GPC6: variants seen among roughly 807,000 people sequenced by gnomAD.
GPC6 encodes the protein glypican-6.
A neutral mutation model predicts 55.2 loss-of-function variants in GPC6; 14 were observed. That is an observed-to-expected ratio of 0.25 (90% CI 0.17 to 0.40). The LOEUF is 0.40. Ranked by LOEUF, GPC6 falls within the 10% of genes least tolerant of loss-of-function variation. The pLI is 1.00. For synonymous variants in GPC6, 278 were observed against 259.6 expected (o/e 1.07, Z -0.68); for missense variants, 641 against 708.5 (o/e 0.90, Z 1.08).
At chr13:93,233,344 C>CAAAAA (rs199803814) in intron 1 of GPC6, among the ~76,000 whole-genome samples, 43 of 126,144 alleles carry the variant, frequency 3.4e-4, no homozygotes, top group African/African-American at 1.3e-3. Flanking sequence ...AGTTAGTAGC[C>CAAAAA]AAAAAAAAAA....
upstream of GPC6, chr13:93,226,687 G>C (rs1320103173): frequency 6.6e-6 from 1 of 152,096 alleles, no homozygotes; most frequent in Non-Finnish European, 1.5e-5. Context: ...AAATAGGTAC[G>C]TTTCTTTTTC....
rs745636804 is a variant in GPC6, at chr13:93,227,282, T to C, written c.-175T>C. ...CCATCGTCCATCTGGCTTATAAAAGTTTGCTGAGCGCAGTCCAGAGGGCTG... is the reference window on the plus strand; with the variant it reads ...CCATCGTCCATCTGGCTTATAAAAGCTTGCTGAGCGCAGTCCAGAGGGCTG... On this transcript the variant is annotated 5_prime_UTR_variant, in exon 1 of 9. Transcript: ENST00000377047. The surrounding 1 kb of genome is among the most constrained non-coding windows in gnomAD (Gnocchi z 4.3). 16 of 555,864 alleles carry C rather than the reference T, an allele frequency of 2.9e-5. No individual in the cohort carries two copies. The highest frequency in any genetic ancestry group is 5.1e-5 in the Non-Finnish European group (16 of 315,348). 34.4% of individuals were successfully genotyped at this position (555,864 alleles called of 1,614,324 possible).
chr13:93,661,549 T>C (rs1880920487), intron 2 of GPC6, among the ~76,000 whole-genome samples: 1 of 152,120 alleles, frequency 6.6e-6, no homozygotes, highest in Admixed American at 6.6e-5. Context: ...CTGAGGAATA[T>C]GGGACACACA....
chr13:93,494,008 T>G (rs9561372), intron 1 of GPC6, among the ~76,000 whole-genome samples: 4,208 of 99,786 alleles, frequency 0.042, 105 homozygotes, highest in East Asian at 0.15. Flanking sequence ...TGTTGATTTG[T>G]GGTGGAGAGT....
intron 2 of GPC6, among the ~76,000 whole-genome samples, chr13:93,813,399 G>C (rs143189459): frequency 1.3e-5 from 2 of 152,152 alleles, no homozygotes; most frequent in African/African-American, 4.8e-5. Flanking sequence ...GCCTGGGTGA[G>C]AGAACTTTGC....
intron 3 of GPC6, among the ~76,000 whole-genome samples, chr13:93,839,347 TTCACATTGC>T (rs990522086): frequency 6.6e-6 from 1 of 152,140 alleles, no homozygotes; most frequent in Non-Finnish European, 1.5e-5. Context: ...TTACATCAAT[TTCACATTGC>T]TCTGACACCA....
intron 3 of GPC6, among the ~76,000 whole-genome samples, chr13:93,976,640 G>A (rs549563145): frequency 6.6e-5 from 10 of 150,908 alleles, no homozygotes; most frequent in Admixed American, 2.6e-4. Flanking sequence ...TTTAAGAAGC[G>A]ATCTCTCAAA....
At chr13:93,739,493 G>A (rs752095138) in intron 2 of GPC6, among the ~76,000 whole-genome samples, 8 of 149,686 alleles carry the variant, frequency 5.3e-5, no homozygotes, top group African/African-American at 1.7e-4. Context: ...GCAGTGGTGC[G>A]ATTTCGGCTC....
At chr13:94,017,042 C>T (rs1415129457) in intron 3 of GPC6, among the ~76,000 whole-genome samples, 1 of 152,058 alleles carries the variant, frequency 6.6e-6, no homozygotes, top group Non-Finnish European at 1.5e-5. Flanking sequence ...ACCATGTTGG[C>T]CAGGCTGGTC....
intron 3 of GPC6, among the ~76,000 whole-genome samples, chr13:93,854,543 G>A (rs1235453006): frequency 2.0e-5 from 3 of 151,684 alleles, no homozygotes; most frequent in African/African-American, 4.8e-5. Flanking sequence ...GAAATCACAC[G>A]TGAAGATTTT....
At chr13:94,028,529 G>A (rs922079173) in intron 4 of GPC6, among the ~76,000 whole-genome samples, 11 of 151,370 alleles carry the variant, frequency 7.3e-5, no homozygotes, top group Non-Finnish European at 1.5e-4. Context: ...AAAGTCCACT[G>A]TACTATTTCT....
At chr13:93,463,459 G>A (rs996772331) in intron 1 of GPC6, among the ~76,000 whole-genome samples, 6 of 152,114 alleles carry the variant, frequency 3.9e-5, no homozygotes, top group African/African-American at 1.4e-4. Flanking sequence ...GTGAAGCACC[G>A]TTCTTAGTGT....
At chr13:93,941,163 A>C (rs911929804) in intron 3 of GPC6, among the ~76,000 whole-genome samples, 32 of 152,186 alleles carry the variant, frequency 2.1e-4, no homozygotes, top group Non-Finnish European at 4.3e-4. Flanking sequence ...CAGCCTATAG[A>C]AAACTTTTGT....
At position 93,335,041 on chromosome 13, in the gene GPC6, G is replaced by A. The variant is rs552443103; in HGVS notation, c.160+107425G>A. Reference sequence around the variant, plus strand: ...CAGATTTCTCCCTTTCCTCCACAGGGCAATGTTTCTTCCAACTGTTGATGC... The same window carrying A: ...CAGATTTCTCCCTTTCCTCCACAGGACAATGTTTCTTCCAACTGTTGATGC... On this transcript the variant is annotated intron_variant, in intron 1 of 8. Transcript: ENST00000377047. 1.1e-4 allele frequency among the ~76,000 whole-genome samples: 16 copies of A among 152,162 alleles called. No homozygotes were observed. The South Asian group carries it at 3.1e-3, about 30-fold the overall frequency.
intron 3 of GPC6, among the ~76,000 whole-genome samples, chr13:93,940,129 T>A (rs1878658353): frequency 6.6e-6 from 1 of 152,202 alleles, no homozygotes; most frequent in African/African-American, 2.4e-5. Context: ...TCATTATTAT[T>A]TGTACACTTT....
chr13:93,810,362 C>T (rs1353433322), intron 2 of GPC6, among the ~76,000 whole-genome samples: 2 of 152,168 alleles, frequency 1.3e-5, no homozygotes, highest in African/African-American at 4.8e-5. Context: ...TAGATTTCTG[C>T]ACAAACCCAA....
chr13:94,379,130 TATAA>T (rs1486997237), intron 6 of GPC6, among the ~76,000 whole-genome samples: 2 of 152,066 alleles, frequency 1.3e-5, no homozygotes, highest in Admixed American at 6.6e-5. Context: ...TATTCAGAAA[TATAA>T]ATAAATAAAA....
intron 1 of GPC6, among the ~76,000 whole-genome samples, chr13:93,418,714 A>G (rs547232423): frequency 8.0e-5 from 12 of 150,888 alleles, no homozygotes; most frequent in African/African-American, 2.7e-4. Flanking sequence ...TTTTGTTAAT[A>G]GCACTATACC....
chr13:94,191,635 C>T (rs550409028), intron 4 of GPC6, among the ~76,000 whole-genome samples: 1 of 151,034 alleles, frequency 6.6e-6, no homozygotes, highest in African/African-American at 2.4e-5. Flanking sequence ...ATAGTAGAGG[C>T]AAGTTTGAAG....
Sources: gnomAD v4.1 joint callset for allele counts (sites outside exome capture counted in the v4.1 genomes callset) on GRCh38, gnomAD v4.1.1 for gene constraint, Gnocchi (gnomAD v3.1) non-coding constraint, MANE v1.5 for transcripts, NCBI Gene and HGNC (gene_info 2026-07-23, HGNC 2026-07-21) for gene names.